DR1: variants seen among roughly 807,000 people sequenced by gnomAD.
The protein encoded by DR1 is down-regulator of transcription 1.
In DR1, 7 loss-of-function variants were observed where a neutral mutation model predicts 19.9. The observed-to-expected ratio is 0.35, with a 90% CI of 0.20 to 0.66. The LOEUF is 0.66. Ranked by LOEUF, DR1 falls within the 30% of genes least tolerant of loss-of-function variation. The pLI is 0.66. For synonymous variants in DR1, 76 were observed against 72.5 expected, an observed-to-expected ratio of 1.05 and a Z score of -0.24; for missense variants, 98 against 203.7, an observed-to-expected ratio of 0.48 and a Z score of 3.16.
chr1:93,360,326 C>T (rs1200666685), intron 2 of DR1, among the ~76,000 whole-genome samples, 167 bp from the exon 3 acceptor site: 3 of 152,048 alleles, frequency 2.0e-5, no homozygotes, highest in Non-Finnish European at 4.4e-5. Context: ...ATTATATTTA[C>T]CTATAGAGTT....
In DR1 at chr1:93,346,389, CCCT is replaced by C. The variant is rs1666838572; in HGVS notation, c.-252_-250del. 2.0e-6 allele frequency: 1 copy of C among 492,972 alleles called. No homozygotes were observed. The allele number at this position is 492,972 out of a possible 1,614,324, so 30.5% of individuals were successfully genotyped here. A position where few individuals can be genotyped will look rare whatever the true frequency, so the allele number is the denominator to read the frequency against. ...CAAATTTCCGGACCACCGCGCTTTC[CCCT>C]CCTCAGCCTGGGCTGTGCTCTCTCT... On this transcript the variant is annotated 5_prime_UTR_variant, in exon 1 of 3. Coordinates refer to ENST00000370272, the MANE Select transcript of DR1 (RefSeq NM_001938.3).
chr1:93,356,600 A>T (rs550750188), intron 2 of DR1, among the ~76,000 whole-genome samples: 15 of 152,190 alleles, frequency 9.9e-5, no homozygotes, highest in African/African-American at 2.9e-4. Flanking sequence ...AATTATTTGA[A>T]TTTTTTCCAT....
At chr1:93,357,038 G>A (rs1056617198) in intron 2 of DR1, among the ~76,000 whole-genome samples, 59 of 152,256 alleles carry the variant, frequency 3.9e-4, no homozygotes, top group Middle Eastern at 3.4e-3. Context: ...TGTTTTTAGC[G>A]AAGCTCTGTT....
At position 93,360,891 on chromosome 1, in the gene DR1, TAGC is replaced by T. The variant is rs1399763158; in HGVS notation, c.*256_*258del. 1 of 375,542 alleles carries T rather than the reference TAGC, an allele frequency of 2.7e-6. No homozygotes were observed. Among genetic ancestry groups the T allele is most frequent in the Non-Finnish European group, 4.7e-6 (1 of 211,908 alleles). 23.3% of individuals were successfully genotyped at this position (375,542 alleles called of 1,614,324 possible). On this transcript the variant is annotated 3_prime_UTR_variant, in exon 3 of 3. Coordinates refer to ENST00000370272, the MANE Select transcript of DR1 (RefSeq NM_001938.3). The stretch of plus-strand genomic sequence containing the variant: ...TTAATGGTGTTTATGAAATTTTAGA[TAGC>T]AGCGAGTCCTTCGTTTGATCAATAA...
chr1:93,360,498 A>G lies in DR1; in HGVS notation c.390A>G (p.Arg130=). ...RQQQELFAKA[R]QQQAELAQQE... ...TTTATGTTTTGGGTGTTTAGGCTAG[A>G]CAGCAACAAGCAGAATTGGCCCAAC... The change falls in exon 3 of 3, where the codon AGA becomes AGG. Residue 130 remains arginine, a synonymous_variant. Coordinates refer to ENST00000370272, the MANE Select transcript of DR1 (RefSeq NM_001938.3). The G allele has an allele frequency of 6.3e-7, 1 of 1,577,382 alleles. No homozygotes were observed. The highest frequency in any genetic ancestry group is 1.4e-5 in the African/African-American group (1 of 72,528).
In DR1 at chr1:93,360,896, G is replaced by A; in HGVS notation, c.*257G>A. On this transcript the variant is annotated 3_prime_UTR_variant, in exon 3 of 3. Coordinates refer to ENST00000370272, the MANE Select transcript of DR1 (RefSeq NM_001938.3). ...GGTGTTTATGAAATTTTAGATAGCA[G>A]CGAGTCCTTCGTTTGATCAATAAAC... is the stretch of plus-strand genomic sequence containing the variant. 3 of 363,658 alleles carry A rather than the reference G, an allele frequency of 8.2e-6. No individual in the cohort carries two copies. Among genetic ancestry groups the A allele is most frequent in the South Asian group, 9.2e-5 (2 of 21,744 alleles). The allele number at this position is 363,658 out of a possible 1,614,324, so 22.5% of individuals were successfully genotyped here.
chr1:93,356,316 A>C (rs1253789027), intron 2 of DR1, among the ~76,000 whole-genome samples: 3 of 151,610 alleles, frequency 2.0e-5, no homozygotes, highest in Non-Finnish European at 4.4e-5. Context: ...GATCAGGCAC[A>C]CTTCAGCCTA....
In DR1 at chr1:93,365,875, A is replaced by G. The variant is rs1410765387; in HGVS notation, c.*5236A>G. 6.6e-6 allele frequency: 1 copy of G among 152,252 alleles called. No individual in the cohort carries two copies. The highest frequency in any genetic ancestry group is 1.9e-4 in the East Asian group (1 of 5,204). The allele number at this position is 152,252 out of a possible 1,614,324, so 9.4% of individuals were successfully genotyped here. A position where few individuals can be genotyped will look rare whatever the true frequency, so the allele number is the denominator to read the frequency against. ...ACACCCAGTTTGAAACAGATGAGGTATGCTATTTCATAACTAGTACATCTT... is the reference window on the plus strand; with the variant it reads ...ACACCCAGTTTGAAACAGATGAGGTGTGCTATTTCATAACTAGTACATCTT... On this transcript the variant is annotated 3_prime_UTR_variant, in exon 3 of 3. Transcript: ENST00000370272.
chr1:93,346,965 T>A, intron 1 of DR1, 100 bp downstream of exon 1: 1 of 1,075,150 alleles, frequency 9.3e-7, no homozygotes, highest in Non-Finnish European at 1.4e-6. Context: ...TCTTCCCTGG[T>A]AAGTAACTTA....
rs1667127079 is a variant in DR1 at position 93,366,210 on chromosome 1, GT to G, written c.*5573del. 1 of 152,158 alleles carries G rather than the reference GT, an allele frequency of 6.6e-6. No homozygotes were observed. Among genetic ancestry groups the G allele is most frequent in the African/African-American group, 2.4e-5 (1 of 41,428 alleles). The allele number at this position is 152,158 out of a possible 1,614,324, so 9.4% of individuals were successfully genotyped here. On this transcript the variant is annotated 3_prime_UTR_variant, in exon 3 of 3. Transcript: ENST00000370272. ...CATAATGTCTTCAAAGTTCATTCATGTTGTAGCATGTATTAGAATTTCTTTC... is the reference window on the plus strand; with the variant it reads ...CATAATGTCTTCAAAGTTCATTCATGTGTAGCATGTATTAGAATTTCTTTC...
intron 1 of DR1, among the ~76,000 whole-genome samples, chr1:93,352,549 T>C (rs1666927139): frequency 6.6e-6 from 1 of 152,222 alleles, no homozygotes; most frequent in South Asian, 2.1e-4. Context: ...TGTAAATCAT[T>C]CAAAATGTCT....
At chr1:93,358,140 A>G (rs778973269) in intron 2 of DR1, among the ~76,000 whole-genome samples, 16 of 152,184 alleles carry the variant, frequency 1.1e-4, no homozygotes, top group Admixed American at 2.0e-4. Context: ...GAAGAAGGAA[A>G]GAGAAAGAAA....
In DR1 at chr1:93,364,164, A is replaced by G. The variant is rs759646210; in HGVS notation, c.*3525A>G. ...ATCTTAGTGGGTTGAATTTCTCGAA[A>G]CACCTAAATTGTACCAAATGAGTTA... On this transcript the variant is annotated 3_prime_UTR_variant, in exon 3 of 3. Coordinates refer to ENST00000370272, the MANE Select transcript of DR1 (RefSeq NM_001938.3). 5.3e-5 allele frequency: 8 copies of G among 152,208 alleles called. No individual in the cohort carries two copies. Among genetic ancestry groups the G allele is most frequent in the Non-Finnish European group, 7.3e-5 (5 of 68,038 alleles). The allele number at this position is 152,208 out of a possible 1,614,324, so 9.4% of individuals were successfully genotyped here. A position where few individuals can be genotyped will look rare whatever the true frequency, so the allele number is the denominator to read the frequency against.
At chr1:93,359,424 A>G (rs1011903690) in intron 2 of DR1, among the ~76,000 whole-genome samples, 1 of 152,200 alleles carries the variant, frequency 6.6e-6, no homozygotes, top group Non-Finnish European at 1.5e-5. Context: ...AACAAAGTGG[A>G]TGGATATGGG....
rs908355672 is a variant in DR1 at position 93,367,507 on chromosome 1, G to A, written c.*6868G>A. On this transcript the variant is annotated 3_prime_UTR_variant, in exon 3 of 3. Transcript: ENST00000370272. ...AGGGAGCAAAGTGGGAGCCAACCCT[G>A]GACAGGATGCCTTTTCATCACAGGG... 6.6e-6 allele frequency: 1 copy of A among 152,158 alleles called. No homozygotes were observed. The highest frequency in any genetic ancestry group is 2.4e-5 in the African/African-American group (1 of 41,418). The allele number at this position is 152,158 out of a possible 1,614,324, so 9.4% of individuals were successfully genotyped here. A position where few individuals can be genotyped will look rare whatever the true frequency, so the allele number is the denominator to read the frequency against.
Position 93,367,169 on chromosome 1 carries a change from A to G in DR1, c.*6530A>G, listed in dbSNP as rs1366277010. On this transcript the variant is annotated 3_prime_UTR_variant, in exon 3 of 3. Transcript: ENST00000370272. ...TGTCTCAAAAAAAAAAAAAAAAAGT[A>G]AAAATTATTTACCCAATATTTGGCG... 6.7e-6 allele frequency: 1 copy of G among 149,286 alleles called. No individual in the cohort carries two copies. Among genetic ancestry groups the G allele is most frequent in the African/African-American group, 2.5e-5 (1 of 39,808 alleles). 9.2% of individuals were successfully genotyped at this position (149,286 alleles called of 1,614,324 possible). A position where few individuals can be genotyped will look rare whatever the true frequency, so the allele number is the denominator to read the frequency against.
chr1:93,350,953 A>C (rs746235191), intron 1 of DR1, among the ~76,000 whole-genome samples: 4 of 152,240 alleles, frequency 2.6e-5, no homozygotes, highest in Non-Finnish European at 5.9e-5. Context: ...AAAAAGTATC[A>C]CAGTAAACAT....
chr1:93,346,080 C>T lies in DR1; in HGVS notation c.-566C>T, dbSNP rs958712733. The T allele has an allele frequency of 6.1e-5, 13 of 212,428 alleles. No individual in the cohort carries two copies. Among genetic ancestry groups the T allele is most frequent in the African/African-American group, 3.1e-4 (13 of 41,748 alleles). The allele number at this position is 212,428 out of a possible 1,614,324, so 13.2% of individuals were successfully genotyped here. On this transcript the variant is annotated 5_prime_UTR_variant, in exon 1 of 3. Transcript: ENST00000370272. ...ATATTAGTTCCCAGGCGGCCGTCGC[C>T]GTTCCAGCAGCGGCAGCGGCAGCGG...
At chr1:93,353,492 T>G (rs566156516) in intron 1 of DR1, among the ~76,000 whole-genome samples, 1 of 152,340 alleles carries the variant, frequency 6.6e-6, no homozygotes, top group East Asian at 1.9e-4. Context: ...TGTTCTTTTA[T>G]TCTGTCCTAC....
Sources: gnomAD v4.1 joint callset for allele counts (sites outside exome capture counted in the v4.1 genomes callset) on GRCh38, gnomAD v4.1.1 for gene constraint, MANE v1.5 for transcripts, NCBI Gene and HGNC (gene_info 2026-07-23, HGNC 2026-07-21) for gene names.